SH3PXD2B: variants seen among roughly 807,000 people sequenced by gnomAD.
SH3PXD2B encodes the protein SH3 and PX domain-containing protein 2B.
Under a neutral mutation model 73.1 loss-of-function variants are expected in SH3PXD2B, and 37 were observed. That is an observed-to-expected ratio of 0.51 (90% CI 0.39 to 0.67). SH3PXD2B has a LOEUF of 0.67. Ranked by LOEUF, SH3PXD2B falls within the 30% of genes least tolerant of loss-of-function variation. SH3PXD2B has a pLI of 0.00. For synonymous variants in SH3PXD2B, 457 were observed against 480.5 expected, an observed-to-expected ratio of 0.95 and a Z score of 0.64; for missense variants, 1,053 against 1,197.8, an observed-to-expected ratio of 0.88 and a Z score of 1.78.
At chr5:172,446,629 C>T (rs1436181414) in intron 1 of SH3PXD2B, among the ~76,000 whole-genome samples, 1 of 152,206 alleles carries the variant, frequency 6.6e-6, no homozygotes, top group Non-Finnish European at 1.5e-5. Flanking sequence ...AACTGGGCTG[C>T]TTGCCGACTT....
intron 12 of SH3PXD2B, among the ~76,000 whole-genome samples, chr5:172,344,114 CATT>C (rs779409350): frequency 5.2e-4 from 79 of 152,202 alleles, no homozygotes; most frequent in South Asian, 3.5e-3. Context: ...TCATCATCAT[CATT>C]ATCATAACAC....
At chr5:172,332,749 G>A (rs941075522), downstream of SH3PXD2B, among the ~76,000 whole-genome samples, 9 of 151,978 alleles carry the variant, frequency 5.9e-5, no homozygotes, top group Non-Finnish European at 1.3e-4. Flanking sequence ...AGGTGGGGTG[G>A]TGGTGTCCTG....
chr5:172,339,388 G>T lies in SH3PXD2B; in HGVS notation c.1717C>A (p.Arg573=), dbSNP rs201601282. 3 of 1,614,036 alleles carry T rather than the reference G, an allele frequency of 1.9e-6. No homozygotes were observed. Among genetic ancestry groups the T allele is most frequent in the Admixed American group, 1.7e-5 (1 of 59,988 alleles). Residue 573 remains arginine, a synonymous_variant, in exon 13 of 13, where the codon CGG becomes AGG. Transcript: ENST00000311601. This position sits in a 1 kb window ranked among gnomAD's most constrained non-coding sequence, Gnocchi z 6.1. ...MMPAKHIPPA[R]DSRRPEPKPD... ...TTGGGCTCTGGCCTCCTGCTGTCCC[G>T]GGCTGGAGGGATGTGTTTGGCTGGC...
chr5:172,452,788 C>T (rs76779745), intron 1 of SH3PXD2B, among the ~76,000 whole-genome samples: 5,162 of 151,906 alleles, frequency 0.034, 311 homozygotes, highest in African/African-American at 0.12. Context: ...CTCACTTACA[C>T]GCTAACAGGC....
At chr5:172,378,153 T>C (rs1242549958) in intron 5 of SH3PXD2B, among the ~76,000 whole-genome samples, 1 of 152,202 alleles carries the variant, frequency 6.6e-6, no homozygotes, top group African/African-American at 2.4e-5. Flanking sequence ...GTGTCCTTCC[T>C]TCTTGAATGA....
chr5:172,438,375 T>C (rs1759440608), intron 1 of SH3PXD2B, among the ~76,000 whole-genome samples: 2 of 152,164 alleles, frequency 1.3e-5, no homozygotes, highest in South Asian at 4.1e-4. Flanking sequence ...CTGGGGGCCC[T>C]TGGGGCAGGG....
intron 2 of SH3PXD2B, among the ~76,000 whole-genome samples, chr5:172,415,624 C>T (rs1758802384): frequency 6.6e-6 from 1 of 152,218 alleles, no homozygotes; most frequent in Non-Finnish European, 1.5e-5. Context: ...GGGCATCTGG[C>T]ACATTCCAGT....
At chr5:172,371,404 A>T (rs1396464806) in intron 6 of SH3PXD2B, among the ~76,000 whole-genome samples, 4 of 152,196 alleles carry the variant, frequency 2.6e-5, no homozygotes, top group Non-Finnish European at 4.4e-5. Context: ...GCCAGCCATG[A>T]CTGGGAAACG....
In SH3PXD2B at chr5:172,396,695, C is replaced by T. The variant is rs540788589; in HGVS notation, c.233-2056G>A. 1.8e-4 allele frequency among the ~76,000 whole-genome samples: 28 copies of T among 151,424 alleles called. No individual in the cohort carries two copies. In the East Asian group the frequency reaches 2.7e-3, roughly 15 times the overall value. ...GGTGCGGTGGCTCACGCCTGTAATC[C>T]CCACATTTTGGGAAGTCAAGGCAGG... On this transcript the variant is annotated intron_variant, in intron 3 of 12. Coordinates refer to ENST00000311601, the MANE Select transcript of SH3PXD2B (RefSeq NM_001017995.3).
chr5:172,334,403 C>T lies in SH3PXD2B; in HGVS notation c.*3966G>A, dbSNP rs1756638368. On this transcript the variant is annotated 3_prime_UTR_variant, in exon 13 of 13. Coordinates refer to ENST00000311601, the MANE Select transcript of SH3PXD2B (RefSeq NM_001017995.3). The stretch of plus-strand genomic sequence containing the variant: ...CACCCTCAGGCCTCGATGCATGCTG[C>T]TCTACCTCTCATCAGCCCACAGTCT... 2 of 990,008 alleles carry T rather than the reference C, an allele frequency of 2.0e-6. No individual in the cohort carries two copies. Among genetic ancestry groups the T allele is most frequent in the Non-Finnish European group, 2.4e-6 (2 of 833,660 alleles). 61.3% of individuals were successfully genotyped at this position (990,008 alleles called of 1,614,324 possible).
At chr5:172,403,349 G>A (rs757239180) in intron 3 of SH3PXD2B, among the ~76,000 whole-genome samples, 36 of 152,170 alleles carry the variant, frequency 2.4e-4, no homozygotes, top group Admixed American at 1.5e-3. Flanking sequence ...CTGCTGACGC[G>A]GCAGTCTTGG....
intron 3 of SH3PXD2B, among the ~76,000 whole-genome samples, chr5:172,396,292 C>T (rs761581244): frequency 3.3e-5 from 5 of 150,614 alleles, no homozygotes; most frequent in East Asian, 3.9e-4. Context: ...GAGAATCACT[C>T]GCATCTGGGA....
rs1561889195 is a variant in SH3PXD2B at position 172,337,615 on chromosome 5, C to CTTTTCA, written c.*753_*754insTGAAAA. The CTTTTCA allele has an allele frequency of 1.0e-6, 1 of 985,334 alleles. No homozygotes were observed. The highest frequency in any genetic ancestry group is 1.1e-4 in the East Asian group (1 of 8,824). 61.0% of individuals were successfully genotyped at this position (985,334 alleles called of 1,614,324 possible). A position where few individuals can be genotyped will look rare whatever the true frequency, so the allele number is the denominator to read the frequency against. On this transcript the variant is annotated 3_prime_UTR_variant, in exon 13 of 13. Transcript: ENST00000311601. ...GAAATGCTCCAAGTTGGGGTGGGAA[C>CTTTTCA]TCTCATTGAAAAGCCCTGGAGGGAC...
intron 6 of SH3PXD2B, among the ~76,000 whole-genome samples, chr5:172,373,148 G>T (rs183071384): frequency 6.6e-6 from 1 of 152,204 alleles, no homozygotes; most frequent in Admixed American, 6.5e-5. Context: ...GTCGCTTGAC[G>T]CTGCATCTGT....
Position 172,339,400 on chromosome 5 carries a change from T to A in SH3PXD2B, c.1705A>T (p.Ile569Phe), listed in dbSNP as rs567930218. 2.6e-4 allele frequency: 414 copies of A among 1,614,160 alleles called. 6 individuals carry two copies. The South Asian group carries it at 4.4e-3, about 17-fold the overall frequency. Residue 569 changes from isoleucine to phenylalanine, a missense_variant, in exon 13 of 13, where the codon ATC (isoleucine) becomes TTC (phenylalanine). Physicochemically the swap from Ile to Phe is conservative, Grantham distance 21. Coordinates refer to ENST00000311601, the MANE Select transcript of SH3PXD2B (RefSeq NM_001017995.3). The surrounding 1 kb of genome is among the most constrained non-coding windows in gnomAD (Gnocchi z 6.1). Reference sequence around the variant, plus strand: ...CTCCTGCTGTCCCGGGCTGGAGGGATGTGTTTGGCTGGCATCATCGGCAAA... The same window carrying A: ...CTCCTGCTGTCCCGGGCTGGAGGGAAGTGTTTGGCTGGCATCATCGGCAAA... ...VILPMMPAKH[I>F]PPARDSRRPE...
chr5:172,376,692 A>T (rs1460457081), intron 5 of SH3PXD2B, among the ~76,000 whole-genome samples: 2 of 152,308 alleles, frequency 1.3e-5, no homozygotes, highest in East Asian at 3.9e-4. Context: ...CACAGCGCCC[A>T]TGCAGAGAAG....
chr5:172,344,796 G>C (rs980677348), intron 12 of SH3PXD2B, among the ~76,000 whole-genome samples: 1 of 152,134 alleles, frequency 6.6e-6, no homozygotes, highest in Non-Finnish European at 1.5e-5. Flanking sequence ...ATACTTCAAT[G>C]CCTCTGGAAG....
chr5:172,450,255 AT>A (rs1309599153), intron 1 of SH3PXD2B, among the ~76,000 whole-genome samples: 26 of 150,902 alleles, frequency 1.7e-4, no homozygotes, highest in Admixed American at 1.2e-3. Context: ...CTATTAGTCT[AT>A]TTTTTATAAG....
chr5:172,434,906 C>T (rs535191810), intron 1 of SH3PXD2B, among the ~76,000 whole-genome samples: 2 of 151,938 alleles, frequency 1.3e-5, no homozygotes, highest in South Asian at 2.1e-4. Flanking sequence ...GCCTCAGTCT[C>T]CCAAGTAGCT....
Sources: gnomAD v4.1 joint callset for allele counts (sites outside exome capture counted in the v4.1 genomes callset) on GRCh38, gnomAD v4.1.1 for gene constraint, Gnocchi (gnomAD v3.1) non-coding constraint, MANE v1.5 for transcripts, NCBI Gene and HGNC (gene_info 2026-07-23, HGNC 2026-07-21) for gene names.